RECQL: variants seen among roughly 807,000 people sequenced by gnomAD.
The protein encoded by RECQL is RecQ like helicase.
RECQL carries 73 observed loss-of-function variants against 75.8 expected under a neutral mutation model. The ratio of observed to expected loss-of-function variants is 0.96; its 90% CI spans 0.80 to 1.17. RECQL has a LOEUF of 1.17. RECQL is among the 50% of genes most tolerant of loss of function. RECQL has a pLI of 0.00. For synonymous variants in RECQL, 248 were observed against 254.4 expected, an observed-to-expected ratio of 0.97 and a Z score of 0.24; for missense variants, 699 against 772.1, an observed-to-expected ratio of 0.91 and a Z score of 1.12.
At chr12:21,473,226 T>C (rs1311845236) in intron 12 of RECQL, among the ~76,000 whole-genome samples, 1 of 152,168 alleles carries the variant, frequency 6.6e-6, no homozygotes, top group Non-Finnish European at 1.5e-5. Flanking sequence ...ATATATTTTT[T>C]TTTGAGACGG....
rs1316150039 is a variant in RECQL at position 21,491,673 on chromosome 12, T to C, written c.60A>G (p.Ala20=). ...TAAGTTCTTGAATTTGAATTTCTAC[T>C]GCATGTAGCTCACTGGTTATAGAAT... ...ELDSITSELH[A]VEIQIQELTE... Residue 20 remains alanine, a synonymous_variant, in exon 3 of 15, where the codon GCA becomes GCG. Coordinates refer to ENST00000444129, the MANE Select transcript of RECQL (RefSeq NM_002907.4). 1 of 1,613,740 alleles carries C rather than the reference T, an allele frequency of 6.2e-7. No individual in the cohort carries two copies. Among genetic ancestry groups the C allele is most frequent in the Non-Finnish European group, 8.5e-7 (1 of 1,179,850 alleles).
chr12:21,486,562 A>AT lies in RECQL; in HGVS notation c.417dup (p.Leu140IlefsTer26). ...AATTGGTCTTCCATAAGAGAGATCAATGGGCAAATGACGAGTGTAAAACCT... is the reference window on the plus strand; with the variant it reads ...AATTGGTCTTCCATAAGAGAGATCAATTGGGCAAATGACGAGTGTAAAACCT... On this transcript the variant is annotated frameshift_variant, in exon 5 of 15. Transcript: ENST00000444129. LOFTEE classifies it high-confidence loss of function. The AT allele has an allele frequency of 6.3e-7, 1 of 1,594,314 alleles. No homozygotes were observed.
chr12:21,487,408 CTGAA>C (rs1387417958), intron 4 of RECQL, among the ~76,000 whole-genome samples: 8 of 152,140 alleles, frequency 5.3e-5, no homozygotes, highest in Non-Finnish European at 7.4e-5. Flanking sequence ...AGTTTACTGT[CTGAA>C]TGAAGTTATA....
At chr12:21,490,505 G>A in intron 3 of RECQL, 127 bp from the exon 4 acceptor site, 1 of 593,934 alleles carries the variant, frequency 1.7e-6, no homozygotes, top group Non-Finnish European at 2.8e-6. Flanking sequence ...TAATAGTTTT[G>A]AGATTAACTC....
chr12:21,482,499 T>C (rs1943210228), intron 6 of RECQL, among the ~76,000 whole-genome samples: 1 of 152,064 alleles, frequency 6.6e-6, no homozygotes, highest in Non-Finnish European at 1.5e-5. Flanking sequence ...GCAATTTTTG[T>C]TTTTTTGACA....
intron 2 of RECQL, among the ~76,000 whole-genome samples, chr12:21,498,204 A>C (rs2136781287): frequency 6.6e-6 from 1 of 152,310 alleles, no homozygotes; most frequent in Non-Finnish European, 1.5e-5. Context: ...CTGAGAAAAT[A>C]ATGGAGTGGC....
At chr12:21,495,025 T>A (rs1041260366) in intron 2 of RECQL, among the ~76,000 whole-genome samples, 5 of 152,250 alleles carry the variant, frequency 3.3e-5, no homozygotes, top group Non-Finnish European at 7.3e-5. Flanking sequence ...GATTGACTAG[T>A]TGACTGTGAA....
chr12:21,470,252 A>G lies in RECQL; in HGVS notation c.1892T>C (p.Leu631Pro). ...TGTATTCTTAGAACCAGATTGCTGA[A>G]GCATGTTTGCAGCCTTCTTCTGGAA... ...GNFQKKAANM[L>P]QQSGSKNTGA... Residue 631 changes from leucine to proline, a missense_variant, in exon 15 of 15, where the codon CTT becomes CCT. Around this residue, in one of 2 missense-constraint regions of RECQL, gnomAD observed 30 missense variants for 58.6 expected, o/e 0.51. Coordinates refer to ENST00000444129, the MANE Select transcript of RECQL (RefSeq NM_002907.4). 1 of 1,610,746 alleles carries G rather than the reference A, an allele frequency of 6.2e-7. No individual in the cohort carries two copies. The highest frequency in any genetic ancestry group is 2.2e-5 in the East Asian group (1 of 44,738).
intron 2 of RECQL, among the ~76,000 whole-genome samples, chr12:21,497,616 C>G (rs895508412): frequency 6.6e-6 from 1 of 152,224 alleles, no homozygotes; most frequent in Admixed American, 6.5e-5. Context: ...TATGTATAGA[C>G]CTCTCTGAAT....
At chr12:21,482,580 G>A (rs1033051476) in intron 6 of RECQL, among the ~76,000 whole-genome samples, 3 of 152,184 alleles carry the variant, frequency 2.0e-5, no homozygotes, top group Admixed American at 6.5e-5. Flanking sequence ...CAGGCACAAC[G>A]CCTGAAGCAG....
At chr12:21,473,433 C>T in intron 12 of RECQL, 118 bp downstream of exon 12, 1 of 749,572 alleles carries the variant, frequency 1.3e-6, no homozygotes, top group Non-Finnish European at 2.3e-6. Flanking sequence ...TATGTAAGTA[C>T]ACTTTGATGT....
At chr12:21,484,939 G>A (rs1030503079) in intron 5 of RECQL, among the ~76,000 whole-genome samples, 13 of 151,962 alleles carry the variant, frequency 8.6e-5, no homozygotes, top group Non-Finnish European at 1.8e-4. Context: ...TTTTCATCAT[G>A]CAGAGTTAAT....
At chr12:21,477,038 C>A (rs767259172) in intron 7 of RECQL, 46 bp from the exon 8 acceptor site, 3 of 1,371,122 alleles carry the variant, frequency 2.2e-6, no homozygotes, top group Admixed American at 2.0e-5. Context: ...TGAGTACCAT[C>A]CAAGTGGCTG....
At chr12:21,472,262 G>C (rs1487631448) in intron 12 of RECQL, among the ~76,000 whole-genome samples, 5 of 152,026 alleles carry the variant, frequency 3.3e-5, no homozygotes, top group Admixed American at 6.6e-5. Flanking sequence ...TTAAAATATA[G>C]TGCCAAAATG....
At chr12:21,472,081 A>G (rs1046808768) in intron 12 of RECQL, among the ~76,000 whole-genome samples, 1 of 152,202 alleles carries the variant, frequency 6.6e-6, no homozygotes, top group South Asian at 2.1e-4. Context: ...TGATTTATAT[A>G]TAACACTCTT....
chr12:21,480,418 A>T (rs574831300), intron 6 of RECQL, among the ~76,000 whole-genome samples: 1 of 152,322 alleles, frequency 6.6e-6, no homozygotes, highest in South Asian at 2.1e-4. Flanking sequence ...GTGCACAGAG[A>T]GTAGACAAAC....
chr12:21,472,749 C>G (rs978312279), intron 12 of RECQL, among the ~76,000 whole-genome samples: 1 of 152,068 alleles, frequency 6.6e-6, no homozygotes, highest in Non-Finnish European at 1.5e-5. Context: ...ACAAATCCTG[C>G]TGATCTACAT....
At chr12:21,496,520 C>T (rs1454350998) in intron 2 of RECQL, among the ~76,000 whole-genome samples, 1 of 152,186 alleles carries the variant, frequency 6.6e-6, no homozygotes, top group Non-Finnish European at 1.5e-5. Context: ...CCAGACATTA[C>T]ACTAGCTCTC....
At chr12:21,494,984 C>A (rs1351578844) in intron 2 of RECQL, among the ~76,000 whole-genome samples, 1 of 152,168 alleles carries the variant, frequency 6.6e-6, no homozygotes, top group Non-Finnish European at 1.5e-5. Flanking sequence ...GCTGAGGCAG[C>A]AATCAGAATG....
Sources: allele counts gnomAD v4.1 joint callset (sites outside exome capture counted in the v4.1 genomes callset), GRCh38; gene constraint gnomAD v4.1.1; regional missense constraint gnomAD v4.1.1; transcripts MANE v1.5; gene names NCBI Gene and HGNC (gene_info 2026-07-23, HGNC 2026-07-21).